Variants in PFKP observed in about 807,000 individuals in gnomAD.
The protein encoded by PFKP is phosphofructokinase, platelet, also known as ATP-dependent 6-phosphofructokinase, platelet type.
A neutral mutation model predicts 94.3 loss-of-function variants in PFKP; 101 were observed. The observed-to-expected ratio is 1.07, with a 90% confidence interval of 0.91 to 1.26. PFKP has a LOEUF of 1.26. Among genes scored for constraint, PFKP ranks in the 50% most tolerant of loss-of-function variants. The probability of loss-of-function intolerance (pLI) is 0.00; values close to 1 mark genes in which losing one functional copy is unlikely to be tolerated. For missense variants in PFKP, 1,145 were observed against 1,103.3 expected (o/e 1.04, Z -0.53); for synonymous variants, 573 against 432.6 (o/e 1.32, Z -4.03).
Position 3,119,925 on chromosome 10 carries a change from C to T in PFKP, c.1564C>T (p.Arg522Trp), listed in dbSNP as rs750120962. 6.8e-6 allele frequency: 11 copies of T among 1,614,000 alleles called. No homozygotes were observed. Among genetic ancestry groups the T allele is most frequent in the East Asian group, 6.7e-5 (3 of 44,870 alleles). ...YLGLLELSAA[R>W]EKHEEFCVPM... Reference sequence around the variant, plus strand: ...GGGACTCCTGGAGCTGTCAGCCGCCCGGGAGAAGCACGAGGAGTTCTGTGT... The same window carrying T: ...GGGACTCCTGGAGCTGTCAGCCGCCTGGGAGAAGCACGAGGAGTTCTGTGT... The change falls in exon 16 of 22, where the codon CGG becomes TGG. Residue 522 changes from arginine to tryptophan, a missense_variant. Around this residue, in one of 3 missense-constraint regions of PFKP, gnomAD observed 1,119 missense variants for 1,062.8 expected, o/e 1.05. Transcript: ENST00000381125.
chr10:3,123,674 C>G (rs75283771), intron 16 of PFKP, among the ~76,000 whole-genome samples: 1 of 152,208 alleles, frequency 6.6e-6, no homozygotes, highest in African/African-American at 2.4e-5. Context: ...GTAAAGTGAG[C>G]GACATCACCT....
At chr10:3,070,310 C>T (rs1447837354) in intron 1 of PFKP, 1 of 152,244 alleles carries the variant, frequency 6.6e-6, no homozygotes, top group Non-Finnish European at 1.5e-5. Flanking sequence ...TTTACAAACC[C>T]TTACAGTAAG....
intron 17 of PFKP, among the ~76,000 whole-genome samples, chr10:3,131,647 G>A (rs1355556016): frequency 1.3e-5 from 2 of 151,860 alleles, no homozygotes; most frequent in Non-Finnish European, 2.9e-5. Context: ...TAGTAGAGAC[G>A]GGGGTTTCAC....
At chr10:3,128,511 C>A (rs1838199386) in intron 16 of PFKP, among the ~76,000 whole-genome samples, 1 of 150,344 alleles carries the variant, frequency 6.7e-6, no homozygotes, top group South Asian at 2.1e-4. Context: ...ATACTCTCTC[C>A]CACAGCTCTG....
chr10:3,132,473 C>T (rs545002071), intron 18 of PFKP, 32 bp downstream of exon 18: 1 of 1,450,774 alleles, frequency 6.9e-7, no homozygotes, highest in Admixed American at 1.7e-5. Context: ...CTGATCTTAC[C>T]CTCACCGCCA....
rs1564327774 is a variant in PFKP at position 3,115,472 on chromosome 10, TG to T, written c.1372-1302del. On this transcript the variant is annotated intron_variant, in intron 13 of 21. Coordinates refer to ENST00000381125, the MANE Select transcript of PFKP (RefSeq NM_002627.5). Reference sequence around the variant, plus strand: ...CGGGGTGAAGGTGTGTGTCCCGCCATGGAGGACAGGACTGGGGATGCTGGGG... The same window carrying T: ...CGGGGTGAAGGTGTGTGTCCCGCCATGAGGACAGGACTGGGGATGCTGGGG... 2.8e-3 allele frequency among the ~76,000 whole-genome samples: 19 copies of T among 6,748 alleles called. 6 individuals carry two copies. In the East Asian group the frequency reaches 0.065, roughly 23 times the overall value. The allele number at this position is 6,748 out of a possible 152,430, so 4.4% of individuals were successfully genotyped here.
rs775141399 is a variant in PFKP at position 3,135,809 on chromosome 10, G to A, written c.2196G>A (p.Val732=). ...AAAGAAACGTTATTTTTCAACCTGT[G>A]GCAGAGCTGAAGAAGCAAACGGATT... ...ISKRNVIFQP[V]AELKKQTDFE... Residue 732 remains valine, a synonymous_variant, in exon 21 of 22, where the codon GTG becomes GTA. Transcript: ENST00000381125. The A allele has an allele frequency of 6.2e-7, 1 of 1,613,118 alleles. No homozygotes were observed. The highest frequency in any genetic ancestry group is 1.3e-5 in the African/African-American group (1 of 74,910).
intron 16 of PFKP, among the ~76,000 whole-genome samples, chr10:3,120,369 C>CTT (rs148428194): frequency 0.27 from 29,468 of 108,500 alleles, 3,024 homozygotes; most frequent in Non-Finnish European, 0.35. Context: ...TTAAAAATCG[C>CTT]TGTGTGTGTG....
Position 3,109,436 on chromosome 10 carries a change from G to C in PFKP, c.1045G>C (p.Gly349Arg), listed in dbSNP as rs773142882. 1 of 1,608,232 alleles carries C rather than the reference G, an allele frequency of 6.2e-7. No homozygotes were observed. Among genetic ancestry groups the C allele is most frequent in the African/African-American group, 1.3e-5 (1 of 74,908 alleles). ...DTPACVVSLN[G>R]NHAVRLPLME... is the part of the protein sequence containing the mutation. ...CCCAGCTTGCGTCGTGTCACTGAAC[G>C]GGAACCACGCCGTGCGCCTGCCGCT... is the stretch of plus-strand genomic sequence containing the variant. The change falls in exon 10 of 22, where the codon GGG becomes CGG. Residue 349 changes from glycine (G) to arginine (R), a missense_variant. Gly to Arg is a moderately radical substitution (Grantham distance 125). Transcript: ENST00000381125.
intron 1 of PFKP, among the ~76,000 whole-genome samples, chr10:3,072,284 G>A (rs753250128): frequency 2.0e-5 from 3 of 152,212 alleles, no homozygotes; most frequent in South Asian, 2.1e-4. Flanking sequence ...TTGGCTGGAC[G>A]TGCATTAGGT....
rs765547765 is a variant in PFKP, at chr10:3,093,638, C to CTTTT, written c.187-5617_187-5614dup. On this transcript the variant is annotated intron_variant, in intron 2 of 21. Coordinates refer to ENST00000381125, the MANE Select transcript of PFKP (RefSeq NM_002627.5). Reference sequence around the variant, plus strand: ...CGATAACCACAGGAACAAGCATTATCTTTTTTTTTTTTTTTTTTTTTTTGA... The same window carrying CTTTT: ...CGATAACCACAGGAACAAGCATTATCTTTTTTTTTTTTTTTTTTTTTTTTTTTGA... Among the ~76,000 whole-genome samples the CTTTT allele has an allele frequency of 8.3e-3, 782 of 94,040 alleles. 26 individuals carry two copies. Among genetic ancestry groups the CTTTT allele is most frequent in the Non-Finnish European group, 0.011 (594 of 51,934 alleles). The allele number at this position is 94,040 out of a possible 152,430, so 61.7% of individuals were successfully genotyped here.
intron 1 of PFKP, among the ~76,000 whole-genome samples, chr10:3,072,020 T>G (rs889616276): frequency 1.3e-5 from 2 of 152,278 alleles, no homozygotes; most frequent in Non-Finnish European, 2.9e-5. Context: ...TCTTCACTGG[T>G]GTCTTTCCCG....
chr10:3,104,946 T>C (rs1438955467), intron 5 of PFKP, 169 bp from the exon 6 acceptor site: 3 of 694,526 alleles, frequency 4.3e-6, no homozygotes, highest in Non-Finnish European at 2.6e-6. Context: ...TTTGCCTTAG[T>C]AGAAAATGGA....
intron 7 of PFKP, among the ~76,000 whole-genome samples, chr10:3,106,222 G>A (rs1016431143): frequency 2.0e-5 from 3 of 150,240 alleles, no homozygotes; most frequent in African/African-American, 4.9e-5. Flanking sequence ...TGGCGTGCAC[G>A]GGGCGCCTGT....
chr10:3,130,015 C>T (rs1245476055), intron 17 of PFKP, 32 bp downstream of exon 17: 5 of 1,534,422 alleles, frequency 3.3e-6, no homozygotes, highest in African/African-American at 1.4e-5. Context: ...AGGGCCCGTC[C>T]CCTTGGGATC....
At chr10:3,097,346 C>A (rs187262903) in intron 2 of PFKP, among the ~76,000 whole-genome samples, 1 of 152,034 alleles carries the variant, frequency 6.6e-6, no homozygotes, top group South Asian at 2.1e-4. Context: ...TGTGCAGAGG[C>A]GAGGTCTGCA....
rs764076525 is a variant in PFKP, at chr10:3,120,034, CTA to C, written c.1675_1676del (p.Ile559HisfsTer42). 1 of 1,614,022 alleles carries C rather than the reference CTA, an allele frequency of 6.2e-7. No individual in the cohort carries two copies. Among genetic ancestry groups the C allele is most frequent in the Non-Finnish European group, 8.5e-7 (1 of 1,179,990 alleles). On this transcript the variant is annotated frameshift_variant, in exon 16 of 22. Transcript: ENST00000381125. LOFTEE classifies it high-confidence loss of function. ...ATCGGGGCAGACACCGCCCTGAACA[CTA>C]TCACCGACGTAAGTCCGTGTGCGCC...
chr10:3,124,885 C>T (rs1040466306), intron 16 of PFKP, among the ~76,000 whole-genome samples: 4 of 152,228 alleles, frequency 2.6e-5, no homozygotes, highest in Non-Finnish European at 5.9e-5. Context: ...TTCATGAGGA[C>T]CTGGGCTGTG....
chr10:3,107,559 G>C (rs1180807703), intron 8 of PFKP, among the ~76,000 whole-genome samples: 1 of 152,236 alleles, frequency 6.6e-6, no homozygotes, highest in African/African-American at 2.4e-5. Flanking sequence ...CAGACAGAGG[G>C]GGTCAGCTCG....
Sources: gnomAD v4.1 joint callset for allele counts (sites outside exome capture counted in the v4.1 genomes callset) on GRCh38, gnomAD v4.1.1 for gene constraint, gnomAD v4.1.1 regional missense constraint, MANE v1.5 for transcripts, NCBI Gene and HGNC (gene_info 2026-07-23, HGNC 2026-07-21) for gene names.